KCNH7: variants seen among roughly 807,000 people sequenced by gnomAD.
The protein encoded by KCNH7 is voltage-gated inwardly rectifying potassium channel KCNH7.
In KCNH7, 49 loss-of-function variants were observed where a neutral mutation model predicts 120.8. The observed-to-expected ratio is 0.41, with a 90% confidence interval of 0.32 to 0.51. KCNH7 has a LOEUF of 0.51. Among genes scored for constraint, KCNH7 ranks in the 20% least tolerant of loss-of-function variants. The pLI, the probability that KCNH7 is intolerant of heterozygous loss-of-function variation, is 0.38. For missense variants in KCNH7, 1,097 were observed against 1,446.6 expected (o/e 0.76, Z 3.92); for synonymous variants, 547 against 516.1 (o/e 1.06, Z -0.81).
At chr2:162,457,665 A>G (rs1354238891) in intron 6 of KCNH7, among the ~76,000 whole-genome samples, 1 of 152,198 alleles carries the variant, frequency 6.6e-6, no homozygotes, top group African/African-American at 2.4e-5. Context: ...AAAAGATTAT[A>G]CAGTACTTTT....
rs1313267989 is a variant in KCNH7 at position 162,659,359 on chromosome 2, T to G, written c.308-122279A>C. ...CATATAATTCTTTTTTTTTTTTTTT[T>G]GAGACTCAGTCTCGCTTTGTCACCC... On this transcript the variant is annotated intron_variant, in intron 2 of 15. Coordinates refer to ENST00000332142, the MANE Select transcript of KCNH7 (RefSeq NM_033272.4). Among the ~76,000 whole-genome samples the G allele has an allele frequency of 2.0e-5, 3 of 151,092 alleles. No homozygotes were observed. The East Asian group carries it at 5.8e-4, about 29-fold the overall frequency.
At chr2:162,777,707 A>T (rs1432435867) in intron 2 of KCNH7, among the ~76,000 whole-genome samples, 1 of 152,128 alleles carries the variant, frequency 6.6e-6, no homozygotes, top group Non-Finnish European at 1.5e-5. Flanking sequence ...AGACCCAGCA[A>T]AGTGAAGCAC....
chr2:162,407,619 T>G (rs906026075), intron 9 of KCNH7, among the ~76,000 whole-genome samples: 1 of 151,966 alleles, frequency 6.6e-6, no homozygotes, highest in Admixed American at 6.6e-5. Flanking sequence ...GGGGAAAACT[T>G]GGAACCCATT....
At chr2:162,801,360 T>TGTGTAA (rs1684342968) in intron 2 of KCNH7, among the ~76,000 whole-genome samples, 1 of 151,786 alleles carries the variant, frequency 6.6e-6, no homozygotes, top group Admixed American at 6.6e-5. Flanking sequence ...AACAATTGTC[T>TGTGTAA]ATTTTTAATT....
chr2:162,611,295 C>T (rs897121794), intron 2 of KCNH7, among the ~76,000 whole-genome samples: 2 of 152,074 alleles, frequency 1.3e-5, no homozygotes, highest in Admixed American at 1.3e-4. Context: ...TATTCATTAT[C>T]GAAGAGTTCT....
intron 14 of KCNH7, among the ~76,000 whole-genome samples, chr2:162,378,963 T>C (rs951057674): frequency 2.0e-5 from 3 of 152,242 alleles, no homozygotes; most frequent in Non-Finnish European, 4.4e-5. Flanking sequence ...GGCAAATGCA[T>C]GAACATTGTG....
At chr2:162,535,505 T>C (rs763304360) in intron 3 of KCNH7, among the ~76,000 whole-genome samples, 16 of 151,530 alleles carry the variant, frequency 1.1e-4, no homozygotes, top group Non-Finnish European at 1.9e-4. Context: ...AGTAAACAAG[T>C]GAGGAAAATT....
intron 2 of KCNH7, among the ~76,000 whole-genome samples, chr2:162,676,238 C>A (rs867221337): frequency 1.4e-4 from 21 of 151,458 alleles, no homozygotes; most frequent in Non-Finnish European, 2.8e-4. Flanking sequence ...CTCTGCTTCA[C>A]TTACAGGAAA....
chr2:162,432,495 T>C (rs1338862463), intron 8 of KCNH7, among the ~76,000 whole-genome samples: 1 of 152,102 alleles, frequency 6.6e-6, no homozygotes, highest in Non-Finnish European at 1.5e-5. Flanking sequence ...TCTAAGCACA[T>C]TTTATTATCA....
At chr2:162,689,971 A>G (rs1231275586) in intron 2 of KCNH7, among the ~76,000 whole-genome samples, 2 of 152,198 alleles carry the variant, frequency 1.3e-5, no homozygotes, top group Non-Finnish European at 2.9e-5. Context: ...AAGACAAGGA[A>G]TCAATTTAAA....
At chr2:162,493,840 T>A (rs1690407284) in intron 6 of KCNH7, among the ~76,000 whole-genome samples, 1 of 152,148 alleles carries the variant, frequency 6.6e-6, no homozygotes, top group Admixed American at 6.6e-5. Context: ...TAGAGAATAG[T>A]TTTGAAATAG....
intron 2 of KCNH7, among the ~76,000 whole-genome samples, chr2:162,650,638 G>C (rs528625305): frequency 6.6e-5 from 10 of 152,054 alleles, no homozygotes; most frequent in Non-Finnish European, 1.3e-4. Flanking sequence ...CTCCTGTCAG[G>C]TACTCTCGCA....
chr2:162,384,637 TTTTGTGA>T (rs1368353487), intron 13 of KCNH7, 44 bp downstream of exon 13: 1 of 1,562,160 alleles, frequency 6.4e-7, no homozygotes, highest in Admixed American at 1.8e-5. Flanking sequence ...AAAGTCACCA[TTTTGTGA>T]TTAGCACTGA....
intron 2 of KCNH7, among the ~76,000 whole-genome samples, chr2:162,686,266 T>C (rs1685887993): frequency 1.3e-5 from 2 of 152,128 alleles, no homozygotes; most frequent in Non-Finnish European, 1.5e-5. Flanking sequence ...TTGCTTTCTT[T>C]TTTAGCTGGA....
At chr2:162,605,254 G>T (rs1682699888) in intron 2 of KCNH7, among the ~76,000 whole-genome samples, 1 of 152,102 alleles carries the variant, frequency 6.6e-6, no homozygotes, top group African/African-American at 2.4e-5. Context: ...TTCAACACAG[G>T]TTTTCCACAT....
At chr2:162,734,350 T>G (rs1687827259) in intron 2 of KCNH7, among the ~76,000 whole-genome samples, 2 of 152,182 alleles carry the variant, frequency 1.3e-5, no homozygotes, top group Admixed American at 1.3e-4. Context: ...TATGCTTTGT[T>G]TTTAGATTAT....
chr2:162,737,593 ATATTG>A (rs1425270316), intron 2 of KCNH7, among the ~76,000 whole-genome samples: 1 of 152,196 alleles, frequency 6.6e-6, no homozygotes, highest in African/African-American at 2.4e-5. Context: ...TCCAAATCAC[ATATTG>A]TATTTCAGGA....
At chr2:162,520,602 A>AC (rs1193812784) in intron 3 of KCNH7, among the ~76,000 whole-genome samples, 45 of 151,414 alleles carry the variant, frequency 3.0e-4, no homozygotes, top group African/African-American at 1.1e-3. Context: ...TCTCTATAAA[A>AC]AAACAACAAC....
chr2:162,803,404 T>C (rs1040437389), intron 2 of KCNH7, among the ~76,000 whole-genome samples: 3 of 151,710 alleles, frequency 2.0e-5, no homozygotes, highest in Non-Finnish European at 4.4e-5. Context: ...TGTGAAATAT[T>C]TTAATGTATT....
Sources: gnomAD v4.1 joint callset for allele counts (sites outside exome capture counted in the v4.1 genomes callset) on GRCh38, gnomAD v4.1.1 for gene constraint, MANE v1.5 for transcripts, NCBI Gene and HGNC (gene_info 2026-07-23, HGNC 2026-07-21) for gene names.